Variants in EGFLAM observed in about 807,000 individuals in gnomAD.
EGFLAM encodes EGF like, fibronectin type III and laminin G domains, also known as pikachurin.
A neutral mutation model predicts 113.1 loss-of-function variants in EGFLAM; 79 were observed. The ratio of observed to expected loss-of-function variants is 0.70; its 90% CI spans 0.58 to 0.84. EGFLAM has a LOEUF of 0.84. Among genes scored for constraint, EGFLAM ranks in the 40% least tolerant of loss-of-function variants. The pLI is 0.00. For missense variants in EGFLAM, 1,265 were observed against 1,291.6 expected, an observed-to-expected ratio of 0.98 and a Z score of 0.32; for synonymous variants, 504 against 487.6, an observed-to-expected ratio of 1.03 and a Z score of -0.44.
At chr5:38,292,603 A>C (rs1758363266) in intron 1 of EGFLAM, among the ~76,000 whole-genome samples, 2 of 152,232 alleles carry the variant, frequency 1.3e-5, no homozygotes, top group Non-Finnish European at 1.5e-5. Context: ...TTGCACAACT[A>C]TTCCAGGTAT....
intron 1 of EGFLAM, among the ~76,000 whole-genome samples, chr5:38,306,544 A>C (rs1173282933): frequency 1.3e-5 from 2 of 152,140 alleles, no homozygotes; most frequent in African/African-American, 2.4e-5. Flanking sequence ...TATTGGTGCT[A>C]TTCTATGATT....
intron 1 of EGFLAM, among the ~76,000 whole-genome samples, chr5:38,280,118 C>T (rs193156957): frequency 2.0e-4 from 31 of 152,286 alleles, no homozygotes; most frequent in East Asian, 3.9e-4. Context: ...GGTGCATATA[C>T]ACATAGTCAC....
At chr5:38,413,041 A>T (rs1741534098) in intron 11 of EGFLAM, among the ~76,000 whole-genome samples, 1 of 152,082 alleles carries the variant, frequency 6.6e-6, no homozygotes, top group South Asian at 2.1e-4. Flanking sequence ...TATTACTTGG[A>T]GGCAGGGTCT....
In EGFLAM at chr5:38,408,847, G is replaced by A. The variant is rs371699566; in HGVS notation, c.1249-157G>A. ...TTTATTGAAAATGAACTGGGACCAG[G>A]TATCTGGGAGTGAATTGGAGCCCAC... On this transcript the variant is annotated intron_variant, in intron 9 of 21. Transcript: ENST00000322350. Among the ~76,000 whole-genome samples, 17 of 152,312 alleles carry A rather than the reference G, an allele frequency of 1.1e-4. No homozygotes were observed. In the East Asian group the frequency reaches 2.3e-3, roughly 21 times the overall value.
In EGFLAM at chr5:38,370,450, A is replaced by C. The variant is rs1740177674; in HGVS notation, c.700A>C (p.Ile234Leu). The C allele has an allele frequency of 1.2e-6, 2 of 1,613,908 alleles. No individual in the cohort carries two copies. Among genetic ancestry groups the C allele is most frequent in the African/African-American group, 2.7e-5 (2 of 74,930 alleles). ...PSPRSWPSDIIRTLCPEEAGS... is the reference protein window; with the variant it reads ...PSPRSWPSDILRTLCPEEAGS... The stretch of plus-strand genomic sequence containing the variant: ...CCCCCGCAGCTGGCCCAGTGACATC[A>C]TCCGGACCCTCTGTGAGTACCAGGG... The change falls in exon 6 of 22, where the codon ATC becomes CTC. Residue 234 changes from isoleucine (I) to leucine (L), a missense_variant. By Grantham distance (5) the Ile-to-Leu change is conservative. Coordinates refer to ENST00000322350, the MANE Select transcript of EGFLAM (RefSeq NM_152403.4).
At chr5:38,388,600 G>A (rs563671997) in intron 6 of EGFLAM, among the ~76,000 whole-genome samples, 1,836 of 148,190 alleles carry the variant, frequency 0.012, 35 homozygotes, top group African/African-American at 0.046. Context: ...ATATATATAT[G>A]TATATATAAA....
At chr5:38,317,508 T>C (rs1738633314) in intron 1 of EGFLAM, among the ~76,000 whole-genome samples, 2 of 152,196 alleles carry the variant, frequency 1.3e-5, no homozygotes, top group Admixed American at 1.3e-4. Context: ...TGCCAAAGAA[T>C]GCCAAGCTTA....
intron 1 of EGFLAM, among the ~76,000 whole-genome samples, chr5:38,268,215 A>T (rs1409119461): frequency 6.6e-6 from 1 of 152,168 alleles, no homozygotes; most frequent in African/African-American, 2.4e-5. Context: ...GGGTGGCTTG[A>T]CACAAAATTT....
intron 6 of EGFLAM, among the ~76,000 whole-genome samples, chr5:38,372,070 T>C (rs903686438): frequency 6.6e-6 from 1 of 152,058 alleles, no homozygotes; most frequent in Non-Finnish European, 1.5e-5. Flanking sequence ...AACAAGCACA[T>C]GCTGATTTAG....
intron 5 of EGFLAM, among the ~76,000 whole-genome samples, chr5:38,362,321 T>C (rs971217062): frequency 2.0e-5 from 3 of 152,220 alleles, no homozygotes; most frequent in Non-Finnish European, 4.4e-5. Flanking sequence ...TCATCATAAC[T>C]AAGTGAACTG....
At chr5:38,312,378 T>A (rs947517558) in intron 1 of EGFLAM, among the ~76,000 whole-genome samples, 1 of 151,766 alleles carries the variant, frequency 6.6e-6, no homozygotes, top group East Asian at 1.9e-4. Context: ...AGTAGCTGGG[T>A]CTACAGGCGC....
At chr5:38,332,939 G>A (rs1016511467) in intron 1 of EGFLAM, among the ~76,000 whole-genome samples, 2 of 152,238 alleles carry the variant, frequency 1.3e-5, no homozygotes, top group African/African-American at 4.8e-5. Context: ...TTTGGGGCCA[G>A]TTTATGGCCA....
chr5:38,293,529 A>T (rs752151200), intron 1 of EGFLAM, among the ~76,000 whole-genome samples: 4 of 152,230 alleles, frequency 2.6e-5, no homozygotes, highest in Non-Finnish European at 4.4e-5. Context: ...TACTTTAATC[A>T]TAAACAGTTA....
At position 38,458,470 on chromosome 5, in the gene EGFLAM, C is replaced by A. The variant is rs552514092; in HGVS notation, c.2771+76C>A. ...ATGTGGTGTCCAGTTCCCTTGTAGT[C>A]CCACTGTCCTGTTCCCCAACTTTGC... On this transcript the variant is annotated intron_variant, in intron 20 of 21. Transcript: ENST00000322350. 5.6e-6 allele frequency: 8 copies of A among 1,440,606 alleles called. No individual in the cohort carries two copies. In the African/African-American group the frequency reaches 9.9e-5, roughly 18 times the overall value. 89.2% of individuals were successfully genotyped at this position (1,440,606 alleles called of 1,614,324 possible). A position where few individuals can be genotyped will look rare whatever the true frequency, so the allele number is the denominator to read the frequency against.
rs1027159561 is a variant in EGFLAM at position 38,335,726 on chromosome 5, T to C, written c.98-1794T>C. 3.9e-5 allele frequency among the ~76,000 whole-genome samples: 6 copies of C among 152,320 alleles called. No homozygotes were observed. The East Asian group carries it at 9.7e-4, about 25-fold the overall frequency. ...GGGGAGCTGACTTTTGACCTCATGGTTCCTGCTGACAGCACTGGGCTTCTA... is the reference window on the plus strand; with the variant it reads ...GGGGAGCTGACTTTTGACCTCATGGCTCCTGCTGACAGCACTGGGCTTCTA... On this transcript the variant is annotated intron_variant, in intron 1 of 21. Coordinates refer to ENST00000322350, the MANE Select transcript of EGFLAM (RefSeq NM_152403.4).
chr5:38,269,177 A>C (rs1757704942), intron 1 of EGFLAM, among the ~76,000 whole-genome samples: 1 of 152,068 alleles, frequency 6.6e-6, no homozygotes. Flanking sequence ...GAGACCCTGC[A>C]TCAACAGCAA....
intron 1 of EGFLAM, among the ~76,000 whole-genome samples, chr5:38,288,618 T>C (rs1406247901): frequency 6.7e-6 from 1 of 149,546 alleles, no homozygotes; most frequent in Non-Finnish European, 1.5e-5. Context: ...TATAGGTCTC[T>C]TACCAATTAT....
At chr5:38,338,979 C>T (rs553801552) in intron 3 of EGFLAM, among the ~76,000 whole-genome samples, 198 bp downstream of exon 3, 31 of 152,326 alleles carry the variant, frequency 2.0e-4, no homozygotes, top group South Asian at 6.2e-4. Context: ...AGGCATCTGA[C>T]GAAAGAGTCC....
chr5:38,295,526 ACT>A (rs1758433592), intron 1 of EGFLAM, among the ~76,000 whole-genome samples: 1 of 152,122 alleles, frequency 6.6e-6, no homozygotes. Flanking sequence ...AGGTTAGAAG[ACT>A]CTCATTATTT....
Sources: gnomAD v4.1 joint callset for allele counts (sites outside exome capture counted in the v4.1 genomes callset) on GRCh38, gnomAD v4.1.1 for gene constraint, MANE v1.5 for transcripts, NCBI Gene and HGNC (gene_info 2026-07-23, HGNC 2026-07-21) for gene names.